RYR2: variants seen among roughly 807,000 people sequenced by gnomAD.
RYR2 encodes the protein cardiac muscle ryanodine receptor-calcium release channel.
Under a neutral mutation model 601.1 loss-of-function variants are expected in RYR2, and 227 were observed. The ratio of observed to expected loss-of-function variants is 0.38; its 90% CI spans 0.34 to 0.42. RYR2 has a LOEUF of 0.42. Ranked by LOEUF, RYR2 falls within the 10% of genes least tolerant of loss-of-function variation. The probability of loss-of-function intolerance (pLI) is 1.00; values close to 1 mark genes in which losing one functional copy is unlikely to be tolerated. For missense variants in RYR2, 4,646 were observed against 6,156.5 expected (o/e 0.75, Z 8.21); for synonymous variants, 2,223 against 2,175.1 (o/e 1.02, Z -0.61).
chr1:237,527,913 C>T (rs775929086), intron 24 of RYR2, among the ~76,000 whole-genome samples: 11 of 152,148 alleles, frequency 7.2e-5, no homozygotes, highest in East Asian at 1.9e-4. Flanking sequence ...TGAAATCTCA[C>T]GCCCTGCTAC....
intron 26 of RYR2, 90 bp from the exon 27 acceptor site, chr1:237,550,454 T>G: frequency 1.4e-6 from 2 of 1,450,592 alleles, no homozygotes; most frequent in Non-Finnish European, 1.9e-6. Flanking sequence ...GTTTTTCTCA[T>G]GGAATTTAAA....
chr1:237,277,657 C>T (rs757926403), intron 2 of RYR2, among the ~76,000 whole-genome samples: 1 of 151,988 alleles, frequency 6.6e-6, no homozygotes, highest in South Asian at 2.1e-4. Flanking sequence ...CCTGTCTCTA[C>T]AAAAATTTAA....
chr1:237,503,072 G>A (rs1339990558), intron 21 of RYR2, among the ~76,000 whole-genome samples: 3 of 151,994 alleles, frequency 2.0e-5, no homozygotes, highest in Non-Finnish European at 4.4e-5. Flanking sequence ...AACTTAAGCA[G>A]GTTTTCTCTT....
chr1:237,409,007 A>G (rs1704181471), intron 10 of RYR2, among the ~76,000 whole-genome samples: 1 of 152,090 alleles, frequency 6.6e-6, no homozygotes, highest in African/African-American at 2.4e-5. Context: ...ATTTTTGTGT[A>G]TTAATGTCCT....
chr1:237,757,615 TA>T, intron 81 of RYR2, 81 bp from the exon 82 acceptor site: 2 of 899,650 alleles, frequency 2.2e-6, no homozygotes, highest in Non-Finnish European at 3.7e-6. Flanking sequence ...ATAATAATTT[TA>T]AAAGTGCAGC....
intron 96 of RYR2, 87 bp downstream of exon 96, chr1:237,795,418 G>T: frequency 1.5e-6 from 1 of 684,932 alleles, no homozygotes; most frequent in East Asian, 3.2e-5. Flanking sequence ...ATAAGATATT[G>T]AGGTATAATT....
Position 237,699,022 on chromosome 1 carries a change from C to T in RYR2, c.9125C>T (p.Ala3042Val). Residue 3042 changes from alanine to valine, a missense_variant, in exon 64 of 105, where the codon GCA (alanine) becomes GTA (valine). Around this residue, in one of 17 missense-constraint regions of RYR2, gnomAD observed 1,497 missense variants for 1,842.6 expected, o/e 0.81. Coordinates refer to ENST00000366574, the MANE Select transcript of RYR2 (RefSeq NM_001035.3). Reference protein sequence around the residue: ...CLHILGQTLDARTVMKTGLES... With the variant: ...CLHILGQTLDVRTVMKTGLES... ...CATATTTTGGGTCAGACTTTGGATG[C>T]AAGGTAAATGGATACATTTTTACCT... 1 of 1,482,794 alleles carries T rather than the reference C, an allele frequency of 6.7e-7. No homozygotes were observed. The highest frequency in any genetic ancestry group is 9.2e-7 in the Non-Finnish European group (1 of 1,082,230). The allele number at this position is 1,482,794 out of a possible 1,614,324, so 91.9% of individuals were successfully genotyped here.
chr1:237,743,630 C>T (rs1558327207), intron 80 of RYR2: 2 of 518,756 alleles, frequency 3.9e-6, no homozygotes, highest in Non-Finnish European at 7.7e-6. Context: ...CAAGGTAAAA[C>T]TATATATATG....
At chr1:237,806,911 A>T (rs1660691360) in intron 99 of RYR2, among the ~76,000 whole-genome samples, 1 of 152,232 alleles carries the variant, frequency 6.6e-6, no homozygotes, top group Non-Finnish European at 1.5e-5. Flanking sequence ...AGCATATTGC[A>T]GAAGTGTGCA....
intron 8 of RYR2, among the ~76,000 whole-genome samples, chr1:237,381,954 C>T: frequency 6.6e-6 from 1 of 151,952 alleles, no homozygotes; most frequent in East Asian, 1.9e-4. Flanking sequence ...TTAAAGAAGG[C>T]CTTAGCAAAG....
At chr1:237,335,570 G>A (rs1010076780) in intron 3 of RYR2, among the ~76,000 whole-genome samples, 3 of 152,262 alleles carry the variant, frequency 2.0e-5, no homozygotes, top group East Asian at 1.9e-4. Flanking sequence ...TAAAATACAC[G>A]TTGAGTGTCC....
Position 237,388,293 on chromosome 1 carries a change from TA to T in RYR2, c.773+111del, listed in dbSNP as rs553794296. 1.4e-4 allele frequency: 116 copies of T among 838,872 alleles called. No individual in the cohort carries two copies. The East Asian group carries it at 2.9e-3, about 21-fold the overall frequency. The allele number at this position is 838,872 out of a possible 1,614,324, so 52.0% of individuals were successfully genotyped here. On this transcript the variant is annotated intron_variant, in intron 10 of 104. Transcript: ENST00000366574. ...GCCAGTAGCATCATACAAGATGGGCTACTGACATTCATTGATTCACTGAAGT... is the reference window on the plus strand; with the variant it reads ...GCCAGTAGCATCATACAAGATGGGCTCTGACATTCATTGATTCACTGAAGT...
At position 237,617,409 on chromosome 1, in the gene RYR2, G is replaced by C; in HGVS notation, c.5839G>C (p.Val1947Leu). The C allele has an allele frequency of 6.2e-7, 1 of 1,613,950 alleles. No homozygotes were observed. Among genetic ancestry groups the C allele is most frequent in the Non-Finnish European group, 8.5e-7 (1 of 1,179,876 alleles). The change falls in exon 38 of 105, where the codon GTC becomes CTC. Residue 1947 changes from valine to leucine, a missense_variant. Coordinates refer to ENST00000366574, the MANE Select transcript of RYR2 (RefSeq NM_001035.3). ...CAATCAACGTTTCCGATACAACGAA[G>C]TCATGCAAGCCTTAAACATGTCAGC... is the stretch of plus-strand genomic sequence containing the variant. ...QDNQRFRYNEVMQALNMSAAL... is the reference protein window; with the variant it reads ...QDNQRFRYNELMQALNMSAAL...
At chr1:237,255,694 G>A (rs1558506195) in intron 1 of RYR2, among the ~76,000 whole-genome samples, 1 of 152,114 alleles carries the variant, frequency 6.6e-6, no homozygotes, top group Non-Finnish European at 1.5e-5. Context: ...TCACGATACT[G>A]AAATGGATTT....
At chr1:237,221,215 C>T (rs569339193) in intron 1 of RYR2, among the ~76,000 whole-genome samples, 4 of 152,210 alleles carry the variant, frequency 2.6e-5, no homozygotes, top group Admixed American at 2.0e-4. Flanking sequence ...AAATCCATTT[C>T]GTTCCTGGAA....
chr1:237,592,791 C>T (rs758448539), intron 32 of RYR2, among the ~76,000 whole-genome samples: 3 of 151,966 alleles, frequency 2.0e-5, no homozygotes, highest in Non-Finnish European at 4.4e-5. Flanking sequence ...GAGGCTGAGG[C>T]AGGTGGATCA....
intron 1 of RYR2, among the ~76,000 whole-genome samples, chr1:237,077,534 A>G (rs1198943646): frequency 2.1e-4 from 27 of 130,418 alleles, no homozygotes; most frequent in African/African-American, 6.9e-4. Flanking sequence ...AAAGAAGGCC[A>G]TTACATAATG....
At chr1:237,151,845 T>C (rs764654461) in intron 1 of RYR2, among the ~76,000 whole-genome samples, 1 of 152,186 alleles carries the variant, frequency 6.6e-6, no homozygotes, top group Non-Finnish European at 1.5e-5. Context: ...TCTTTTCTTT[T>C]TAAATTTTAC....
At chr1:237,452,077 T>TTTTG (rs1658221239) in intron 14 of RYR2, among the ~76,000 whole-genome samples, 1 of 74,452 alleles carries the variant, frequency 1.3e-5, no homozygotes, top group African/African-American at 3.3e-5. Context: ...ATATAAAATT[T>TTTTG]TGTGTGTGTG....
Sources: gnomAD v4.1 joint callset for allele counts (sites outside exome capture counted in the v4.1 genomes callset) on GRCh38, gnomAD v4.1.1 for gene constraint, gnomAD v4.1.1 regional missense constraint, MANE v1.5 for transcripts, NCBI Gene and HGNC (gene_info 2026-07-23, HGNC 2026-07-21) for gene names.